GTF3A: variants seen among roughly 807,000 people sequenced by gnomAD.
The protein encoded by GTF3A is transcription factor IIIA.
A neutral mutation model predicts 37.6 loss-of-function variants in GTF3A; 40 were observed. The observed-to-expected ratio is 1.06, with a 90% CI of 0.83 to 1.38. GTF3A has a LOEUF of 1.38. Among genes scored for constraint, GTF3A ranks in the 40% most tolerant of loss-of-function variants. The pLI, the probability that GTF3A is intolerant of heterozygous loss-of-function variation, is 0.00. For missense variants in GTF3A, 500 were observed against 462.6 expected (o/e 1.08, Z -0.74); for synonymous variants, 191 against 166.7 (o/e 1.15, Z -1.12).
chr13:27,433,254 A>G (rs1207280083), intron 5 of GTF3A, among the ~76,000 whole-genome samples: 1 of 149,662 alleles, frequency 6.7e-6, no homozygotes, highest in Non-Finnish European at 1.5e-5. Context: ...ATTTGAATCT[A>G]TGATCTGTTT....
chr13:27,433,339 G>A (rs1374287618), intron 5 of GTF3A, among the ~76,000 whole-genome samples: 4 of 148,920 alleles, frequency 2.7e-5, no homozygotes, highest in African/African-American at 9.9e-5. Flanking sequence ...TTTTTAAGAG[G>A]TTAGTAGCTA....
chr13:27,435,376 T>G (rs1402050218), intron 8 of GTF3A, 57 bp from the exon 9 acceptor site: 1 of 1,540,248 alleles, frequency 6.5e-7, no homozygotes, highest in African/African-American at 1.4e-5. Flanking sequence ...TATCGTAAAA[T>G]TAACTCAGAC....
intron 8 of GTF3A, 85 bp downstream of exon 8, chr13:27,435,277 C>A: frequency 7.6e-7 from 1 of 1,315,382 alleles, no homozygotes; most frequent in South Asian, 1.3e-5. Flanking sequence ...TTCTTTTCAC[C>A]TGCTTTACTG....
intron 4 of GTF3A, among the ~76,000 whole-genome samples, chr13:27,431,553 A>G (rs893210377): frequency 6.6e-6 from 1 of 151,750 alleles, no homozygotes; most frequent in Non-Finnish European, 1.5e-5. Context: ...ACCAAATACC[A>G]TAGTTTTCAC....
At chr13:27,429,016 T>C in intron 2 of GTF3A, among the ~76,000 whole-genome samples, 1 of 152,014 alleles carries the variant, frequency 6.6e-6, no homozygotes, top group East Asian at 1.9e-4. Context: ...GAGAGTGCAC[T>C]TTCTGTCGGC....
In GTF3A at chr13:27,429,971, G is replaced by C; in HGVS notation, c.399+5G>C. The C allele has an allele frequency of 7.1e-7, 1 of 1,417,824 alleles. No individual in the cohort carries two copies. The highest frequency in any genetic ancestry group is 9.6e-7 in the Non-Finnish European group (1 of 1,046,514). The allele number at this position is 1,417,824 out of a possible 1,614,324, so 87.8% of individuals were successfully genotyped here. Reference sequence around the variant, plus strand: ...AATCAACAAAAACAATATATAGTAAGTATGATTTTATATGCTTAAATTTTT... The same window carrying C: ...AATCAACAAAAACAATATATAGTAACTATGATTTTATATGCTTAAATTTTT... On this transcript the variant is annotated splice_donor_5th_base_variant and intron_variant, in intron 3 of 8. Transcript: ENST00000381140.
chr13:27,435,254 A>G, intron 8 of GTF3A, 62 bp downstream of exon 8: 2 of 1,421,170 alleles, frequency 1.4e-6, no homozygotes, highest in Non-Finnish European at 1.9e-6. Context: ...GGCCAGAAGG[A>G]GTCTGTTTGG....
rs1000846928 is a variant in GTF3A, at chr13:27,425,255, C to A, written c.201+317C>A. On this transcript the variant is annotated intron_variant, in intron 1 of 8. Coordinates refer to ENST00000381140, the MANE Select transcript of GTF3A (RefSeq NM_002097.3). ...ACCGCTACTAGACACCTGCCAAACA[C>A]TGGCCCCTGGAGCTGGTACAGAAGA... 6 of 326,024 alleles carry A rather than the reference C, an allele frequency of 1.8e-5. No individual in the cohort carries two copies. The South Asian group carries it at 4.2e-4, about 23-fold the overall frequency. 20.2% of individuals were successfully genotyped at this position (326,024 alleles called of 1,614,324 possible). A position where few individuals can be genotyped will look rare whatever the true frequency, so the allele number is the denominator to read the frequency against.
At position 27,432,804 on chromosome 13, in the gene GTF3A, G is replaced by T. The variant is rs900794534; in HGVS notation, c.562G>T (p.Gly188Cys). Reference sequence around the variant, plus strand: ...GAAACGACATGCCAAGGCCCACGAGGGTGTGTACGGATAGCCTGGGTGTGC... The same window carrying T: ...GAAACGACATGCCAAGGCCCACGAGTGTGTGTACGGATAGCCTGGGTGTGC... Residue 188 changes from glycine to cysteine, a missense_variant and splice_region_variant, in exon 5 of 9, where the codon GGC becomes TGC. By Grantham distance (159) the Gly-to-Cys change is radical. Coordinates refer to ENST00000381140, the MANE Select transcript of GTF3A (RefSeq NM_002097.3). 6.3e-7 allele frequency: 1 copy of T among 1,598,170 alleles called. No homozygotes were observed. The highest frequency in any genetic ancestry group is 1.3e-5 in the African/African-American group (1 of 74,682).
chr13:27,425,056 C>T, intron 1 of GTF3A, 118 bp downstream of exon 1: 1 of 672,870 alleles, frequency 1.5e-6, no homozygotes, highest in Non-Finnish European at 2.4e-6. Context: ...GCTTTGACAT[C>T]CAGGACTTGG....
chr13:27,430,483 C>G (rs1300116788), intron 3 of GTF3A, 50 bp from the exon 4 acceptor site: 8 of 1,128,068 alleles, frequency 7.1e-6, no homozygotes, highest in Middle Eastern at 1.9e-4. Context: ...ACGAACTGTT[C>G]ATTTTGTTTT....
In GTF3A at chr13:27,429,918, GAAGA is replaced by G; in HGVS notation, c.354_357del (p.Lys118AsnfsTer31). ...AAAAATTCAACACAAAATCAAACTT[GAAGA>G]AACATTTTGAACGCAAACATGAAAA... On this transcript the variant is annotated frameshift_variant, in exon 3 of 9. Coordinates refer to ENST00000381140, the MANE Select transcript of GTF3A (RefSeq NM_002097.3). LOFTEE classifies it high-confidence loss of function. 3.9e-6 allele frequency: 6 copies of G among 1,539,410 alleles called. No individual in the cohort carries two copies. In the South Asian group the frequency reaches 6.2e-5, roughly 16 times the overall value.
chr13:27,435,198 TTGAAAC>T lies in GTF3A; in HGVS notation c.933+8_933+13del. The T allele has an allele frequency of 6.3e-7, 1 of 1,592,318 alleles. No individual in the cohort carries two copies. Among genetic ancestry groups the T allele is most frequent in the Non-Finnish European group, 8.5e-7 (1 of 1,171,790 alleles). On this transcript the variant is annotated splice_region_variant and intron_variant, in intron 8 of 8. Coordinates refer to ENST00000381140, the MANE Select transcript of GTF3A (RefSeq NM_002097.3). ...AGAAGAAAATGAAGCTCAAAGTAAGTTGAAACTACTTAGGCAAGCTTAGTTTTCAAG... is the reference window on the plus strand; with the variant it reads ...AGAAGAAAATGAAGCTCAAAGTAAGTTACTTAGGCAAGCTTAGTTTTCAAG...
rs1953591459 is a variant in GTF3A at position 27,424,936 on chromosome 13, G to T, written c.199G>T (p.Glu67Ter). 6.5e-7 allele frequency: 1 copy of T among 1,544,390 alleles called. No individual in the cohort carries two copies. Among genetic ancestry groups the T allele is most frequent in the Non-Finnish European group, 8.7e-7 (1 of 1,143,814 alleles). Residue 67 changes from glutamate (E) to a stop codon, truncating the protein, a stop_gained and splice_region_variant, in exon 1 of 9, where the codon GAG (glutamate) becomes TAG (stop). Coordinates refer to ENST00000381140, the MANE Select transcript of GTF3A (RefSeq NM_002097.3). LOFTEE classifies it high-confidence loss of function. Reference sequence around the variant, plus strand: ...CGCGCACCTGTGCAAGCACACGGGGGAGGTGAGGGGGGCGAGGCTGCCAAC... The same window carrying T: ...CGCGCACCTGTGCAAGCACACGGGGTAGGTGAGGGGGGCGAGGCTGCCAAC...
chr13:27,424,890 C>CA lies in GTF3A; in HGVS notation c.154dup (p.Ser52LysfsTer7). On this transcript the variant is annotated frameshift_variant, in exon 1 of 9. Transcript: ENST00000381140. LOFTEE classifies it high-confidence loss of function. ...CCTTCCCTGACTGCAGCGCCAATTACAGCAAAGCCTGGAAGCTTGACGCGC... is the reference window on the plus strand; with the variant it reads ...CCTTCCCTGACTGCAGCGCCAATTACAAGCAAAGCCTGGAAGCTTGACGCGC... 1.9e-6 allele frequency: 3 copies of CA among 1,550,102 alleles called. No individual in the cohort carries two copies. The highest frequency in any genetic ancestry group is 1.7e-6 in the Non-Finnish European group (2 of 1,146,340).
At chr13:27,426,039 A>G (rs1033562566) in intron 1 of GTF3A, 1 of 152,534 alleles carries the variant, frequency 6.6e-6, no homozygotes, top group African/African-American at 2.4e-5. Context: ...GCGGTCTTAC[A>G]TAGCCACCGG....
chr13:27,427,511 G>T (rs1953616188), intron 2 of GTF3A, among the ~76,000 whole-genome samples: 1 of 152,122 alleles, frequency 6.6e-6, no homozygotes, highest in Non-Finnish European at 1.5e-5. Flanking sequence ...GTGGGGACAA[G>T]CTAAAGTATA....
chr13:27,433,514 T>TA (rs780277596), intron 5 of GTF3A, among the ~76,000 whole-genome samples: 1,244 of 110,812 alleles, frequency 0.011, 9 homozygotes, highest in South Asian at 0.017. Flanking sequence ...TGTACTCTTT[T>TA]AAAAAAAAAA....
In GTF3A at chr13:27,424,688, T is replaced by G. The variant is rs1001807581; in HGVS notation, c.-50T>G. The G allele has an allele frequency of 2.5e-4, 325 of 1,294,022 alleles. No homozygotes were observed. The highest frequency in any genetic ancestry group is 3.2e-4 in the Non-Finnish European group (319 of 1,003,784). 80.2% of individuals were successfully genotyped at this position (1,294,022 alleles called of 1,614,324 possible). The stretch of plus-strand genomic sequence containing the variant: ...CGGGCGCGCCGGTTCCCGGCACGTG[T>G]CTCGGCACGTGGCAGCGCGCCTGGC... On this transcript the variant is annotated 5_prime_UTR_variant, in exon 1 of 9. Transcript: ENST00000381140.
Sources: allele counts gnomAD v4.1 joint callset (sites outside exome capture counted in the v4.1 genomes callset), GRCh38; gene constraint gnomAD v4.1.1; transcripts MANE v1.5; gene names NCBI Gene and HGNC (gene_info 2026-07-23, HGNC 2026-07-21).